Variants in UNC79 observed in about 807,000 individuals in gnomAD.
UNC79 encodes the protein protein unc-79 homolog.
UNC79 carries 37 observed loss-of-function variants against 283.1 expected under a neutral mutation model. The observed-to-expected ratio is 0.13, with a 90% CI of 0.10 to 0.17. The LOEUF (loss-of-function observed/expected upper bound fraction) is 0.17, where lower values mean the gene tolerates loss of function less well. UNC79 is among the 10% of genes least tolerant of loss of function. The pLI is 1.00. For synonymous variants in UNC79, 1,107 were observed against 1,200.2 expected (o/e 0.92, Z 1.61); for missense variants, 2,272 against 3,211.1 (o/e 0.71, Z 7.07).
At chr14:93,385,857 C>A (rs2054763664) in intron 1 of UNC79, among the ~76,000 whole-genome samples, 1 of 151,740 alleles carries the variant, frequency 6.6e-6, no homozygotes, top group Non-Finnish European at 1.5e-5. Flanking sequence ...GTTTATCAGT[C>A]CTGATAACTT....
At chr14:93,659,079 C>A (rs2140413201) in intron 38 of UNC79, 114 bp from the exon 42 acceptor site, 1 of 722,788 alleles carries the variant, frequency 1.4e-6, no homozygotes, top group Non-Finnish European at 2.2e-6. Flanking sequence ...TGTTGAGATG[C>A]AGTCATATTT....
At chr14:93,681,144 C>T (rs2073814745) in intron 41 of UNC79, among the ~76,000 whole-genome samples, 1 of 152,206 alleles carries the variant, frequency 6.6e-6, no homozygotes, top group South Asian at 2.1e-4. Flanking sequence ...ATAGATTCTT[C>T]AGTTTTCTGT....
intron 1 of UNC79, among the ~76,000 whole-genome samples, chr14:93,438,816 A>G (rs1327317498): frequency 6.6e-6 from 1 of 152,110 alleles, no homozygotes; most frequent in Non-Finnish European, 1.5e-5. Flanking sequence ...TTTAGGAAGA[A>G]TTGACATCTT....
At chr14:93,631,014 T>C in intron 31 of UNC79, 106 bp downstream of exon 33, 1 of 1,044,320 alleles carries the variant, frequency 9.6e-7, no homozygotes. Context: ...TATATTTTAA[T>C]GTTGCATCAG....
In UNC79 at chr14:93,430,755, G is replaced by A; in HGVS notation, c.-275G>A. ...TTTCGGTCTCCCCGCCCACATCAAC[G>A]CGGGCAGCTCCAGGAGGGGACGGAC... On this transcript the variant is annotated 5_prime_UTR_variant, in exon 1 of 49. Coordinates refer to ENST00000555664, the Ensembl canonical transcript of UNC79. The surrounding 1 kb of genome is among the most constrained non-coding windows in gnomAD (Gnocchi z 4.6). 2.7e-6 allele frequency: 1 copy of A among 372,258 alleles called. No individual in the cohort carries two copies. The highest frequency in any genetic ancestry group is 5.0e-6 in the Non-Finnish European group (1 of 198,690). The allele number at this position is 372,258 out of a possible 1,614,324, so 23.1% of individuals were successfully genotyped here.
Position 93,528,665 on chromosome 14 carries a change from A to G in UNC79, c.1052+19A>G, listed in dbSNP as rs769683069. 1.2e-6 allele frequency: 2 copies of G among 1,604,830 alleles called. No homozygotes were observed. Among genetic ancestry groups the G allele is most frequent in the Non-Finnish European group, 1.7e-6 (2 of 1,172,662 alleles). ...TTGCAGGGTAGGTATAAGAGTTCTT[A>G]AAGAAAAGGAAATAGGACAACAATA... is the stretch of plus-strand genomic sequence containing the variant. On this transcript the variant is annotated intron_variant, in intron 9 of 48. Transcript: ENST00000555664.
chr14:93,613,560 G>A (rs1381476268), intron 27 of UNC79, among the ~76,000 whole-genome samples: 3 of 151,824 alleles, frequency 2.0e-5, no homozygotes, highest in African/African-American at 7.3e-5. Flanking sequence ...GACTACAGGC[G>A]CCCGCCACCA....
chr14:93,689,986 C>T (rs894001478), intron 44 of UNC79, 131 bp from the exon 48 acceptor site: 5 of 926,870 alleles, frequency 5.4e-6, no homozygotes, highest in Admixed American at 2.4e-5. Context: ...CACTCAATTG[C>T]CTTGGCGTTT....
rs759998241 is a variant in UNC79, at chr14:93,622,506, A to C, written c.5273A>C (p.Glu1758Ala). 22 of 1,613,926 alleles carry C rather than the reference A, an allele frequency of 1.4e-5. No individual in the cohort carries two copies. The East Asian group carries it at 4.9e-4, about 36-fold the overall frequency. The change falls in exon 30 of 49, where the codon GAG (glutamate) becomes GCG (alanine). Residue 1758 changes from glutamate to alanine, a missense_variant. Coordinates refer to ENST00000555664, the Ensembl canonical transcript of UNC79. ...CTTCAGAAGTCGTTTGCTCTCCCCG[A>C]GATGTCGCTGGATGATCACCCTGAC...
At chr14:93,448,167 G>A (rs1457140745) in intron 1 of UNC79, among the ~76,000 whole-genome samples, 4 of 148,226 alleles carry the variant, frequency 2.7e-5, no homozygotes, top group South Asian at 2.1e-4. Context: ...TCTGAGACTC[G>A]GTTCTTTTTT....
At chr14:93,681,636 G>C (rs781051040) in intron 41 of UNC79, among the ~76,000 whole-genome samples, 1 of 152,170 alleles carries the variant, frequency 6.6e-6, no homozygotes, top group Non-Finnish European at 1.5e-5. Flanking sequence ...AGCGACTGGT[G>C]CTGAAACTTC....
intron 41 of UNC79, among the ~76,000 whole-genome samples, chr14:93,676,283 C>T (rs1402934530): frequency 6.6e-6 from 1 of 152,134 alleles, no homozygotes; most frequent in Non-Finnish European, 1.5e-5. Flanking sequence ...TGGTCTTGAA[C>T]TCCTGGACTC....
In UNC79 at chr14:93,501,340, A is replaced by AT. The variant is rs202066257; in HGVS notation, c.898+4056dup. On this transcript the variant is annotated intron_variant, in intron 7 of 48. Coordinates refer to ENST00000555664, the Ensembl canonical transcript of UNC79. The stretch of plus-strand genomic sequence containing the variant: ...CTCCATCTCAAAAACATAAAAATAA[A>AT]TTAAAAAAAAAAGCAAAATTTTTTT... Among the ~76,000 whole-genome samples the AT allele has an allele frequency of 9.3e-3, 1,416 of 151,452 alleles. 27 individuals are homozygous for AT. Among genetic ancestry groups the AT allele is most frequent in the African/African-American group, 0.033 (1,345 of 41,000 alleles).
intron 1 of UNC79, chr14:93,348,158 A>C: frequency 1.2e-5 from 15 of 1,290,136 alleles, no homozygotes; most frequent in Non-Finnish European, 1.7e-5. Context: ...ACGTCCAAAA[A>C]ACTTTCAGAA....
intron 41 of UNC79, among the ~76,000 whole-genome samples, chr14:93,674,947 G>T (rs566477670): frequency 1.7e-4 from 26 of 152,148 alleles, no homozygotes; most frequent in Admixed American, 4.6e-4. Flanking sequence ...CATCCCTTAC[G>T]TGGATTACTG....
At chr14:93,545,721 G>C (rs2061566324) in intron 14 of UNC79, among the ~76,000 whole-genome samples, 1 of 152,212 alleles carries the variant, frequency 6.6e-6, no homozygotes, top group Non-Finnish European at 1.5e-5. Flanking sequence ...TAATATAACT[G>C]TAACTGCCTG....
intron 30 of UNC79, 118 bp from the exon 33 acceptor site, chr14:93,630,683 A>G (rs1415511313): frequency 1.4e-6 from 1 of 724,498 alleles, no homozygotes; most frequent in Non-Finnish European, 2.3e-6. Context: ...TTATTAGGCC[A>G]GGAAAGTGTA....
intron 31 of UNC79, 33 bp downstream of exon 33, chr14:93,630,941 G>T: frequency 6.3e-7 from 1 of 1,576,276 alleles, no homozygotes; most frequent in Non-Finnish European, 8.7e-7. Flanking sequence ...TTTCATCTAT[G>T]CATTTATTTT....
intron 1 of UNC79, among the ~76,000 whole-genome samples, chr14:93,431,453 T>G (rs959742258): frequency 1.3e-5 from 2 of 151,902 alleles, no homozygotes; most frequent in Non-Finnish European, 2.9e-5. Flanking sequence ...AACCAAAGCC[T>G]GCCTGGCCTT....
Sources: allele counts gnomAD v4.1 joint callset (sites outside exome capture counted in the v4.1 genomes callset), GRCh38; gene constraint gnomAD v4.1.1; non-coding constraint Gnocchi (gnomAD v3.1); transcripts MANE v1.5; gene names NCBI Gene and HGNC (gene_info 2026-07-23, HGNC 2026-07-21).